The following DPP10 variants were observed in gnomAD, a reference collection of about 807,000 sequenced individuals.
DPP10 encodes the protein inactive dipeptidyl peptidase 10.
In DPP10, 33 loss-of-function variants were observed where a neutral mutation model predicts 120.9. The observed-to-expected ratio is 0.27, with a 90% CI of 0.21 to 0.37. DPP10 has a LOEUF of 0.37. DPP10 is among the 10% of genes least tolerant of loss of function. The pLI, the probability that DPP10 is intolerant of heterozygous loss-of-function variation, is 1.00. For missense variants in DPP10, 816 were observed against 942.8 expected (o/e 0.87, Z 1.76); for synonymous variants, 337 against 326.1 (o/e 1.03, Z -0.36).
intron 1 of DPP10, among the ~76,000 whole-genome samples, chr2:114,995,614 T>C (rs1197075768): frequency 6.6e-6 from 1 of 152,186 alleles, no homozygotes; most frequent in African/African-American, 2.4e-5. Context: ...AAAAATTATA[T>C]ATTTTTTCTC....
At chr2:114,474,480 G>C (rs752459201) in intron 1 of DPP10, among the ~76,000 whole-genome samples, 26 of 152,132 alleles carry the variant, frequency 1.7e-4, no homozygotes, top group Admixed American at 8.5e-4. Flanking sequence ...GGGGAACAAG[G>C]ATATGTTGGT....
At chr2:115,496,601 T>G (rs1575018983) in intron 3 of DPP10, among the ~76,000 whole-genome samples, 1 of 152,188 alleles carries the variant, frequency 6.6e-6, no homozygotes, top group Non-Finnish European at 1.5e-5. Context: ...CGCATTTCTT[T>G]TTCTCTTCTC....
chr2:115,009,184 G>A (rs1405987794), intron 1 of DPP10, among the ~76,000 whole-genome samples: 3 of 146,302 alleles, frequency 2.1e-5, no homozygotes, highest in Non-Finnish European at 4.5e-5. Context: ...CAACCCAAAT[G>A]TCCAACAATG....
chr2:115,443,330 G>T (rs144406281), intron 3 of DPP10, among the ~76,000 whole-genome samples: 1 of 152,276 alleles, frequency 6.6e-6, no homozygotes, highest in Middle Eastern at 3.4e-3. Context: ...TAATTAGCAA[G>T]TATTTTGTCA....
chr2:115,611,931 C>T (rs145431319), intron 5 of DPP10, among the ~76,000 whole-genome samples: 9 of 152,166 alleles, frequency 5.9e-5, no homozygotes, highest in African/African-American at 2.2e-4. Flanking sequence ...AGGTGAGAAA[C>T]AAATCTAGAA....
intron 3 of DPP10, among the ~76,000 whole-genome samples, chr2:115,427,967 A>G (rs559394590): frequency 6.6e-6 from 1 of 152,326 alleles, no homozygotes; most frequent in Non-Finnish European, 1.5e-5. Flanking sequence ...CTGCTTAGAA[A>G]TTTCTTCTGC....
In DPP10 at chr2:115,250,331, C is replaced by T. The variant is rs140556191; in HGVS notation, c.61-58908C>T. 9.1e-4 allele frequency among the ~76,000 whole-genome samples: 138 copies of T among 152,266 alleles called. 2 individuals are homozygous for T. In the East Asian group the frequency reaches 0.02, roughly 22 times the overall value. The stretch of plus-strand genomic sequence containing the variant: ...TGAGGAAGCTTCTCTCCCATAATTC[C>T]GAACTGAAATACAAATGCTGCCTTT... On this transcript the variant is annotated intron_variant, in intron 1 of 25. Transcript: ENST00000410059.
At chr2:115,565,406 ATTGT>A (rs1366614162) in intron 5 of DPP10, among the ~76,000 whole-genome samples, 1 of 152,170 alleles carries the variant, frequency 6.6e-6, no homozygotes, top group Non-Finnish European at 1.5e-5. Flanking sequence ...AAGTACTTTT[ATTGT>A]TTATTTATCA....
At chr2:114,597,770 A>G (rs781728477) in intron 1 of DPP10, among the ~76,000 whole-genome samples, 3 of 151,858 alleles carry the variant, frequency 2.0e-5, no homozygotes, top group Non-Finnish European at 4.4e-5. Flanking sequence ...TTTGAAATTC[A>G]TGGCACTTAT....
intron 1 of DPP10, among the ~76,000 whole-genome samples, chr2:114,682,329 A>G (rs922212727): frequency 6.6e-6 from 1 of 152,000 alleles, no homozygotes; most frequent in South Asian, 2.1e-4. Context: ...CAAGGATTCA[A>G]GTTCCAGCTG....
At chr2:115,779,646 C>T (rs551858333) in intron 15 of DPP10, among the ~76,000 whole-genome samples, 74 of 151,928 alleles carry the variant, frequency 4.9e-4, no homozygotes, top group African/African-American at 7.7e-4. Context: ...TAGCTGTATG[C>T]AACTGGGATA....
intron 1 of DPP10, among the ~76,000 whole-genome samples, chr2:114,748,371 TTTATTTATTTATTTA>T (rs1678830861): frequency 3.1e-5 from 4 of 127,000 alleles, no homozygotes; most frequent in African/African-American, 1.2e-4. Flanking sequence ...ATTTTATTTA[TTTATTTATTTATTTA>T]TTTATTTATT....
At chr2:115,822,310 A>G (rs1476170734) in intron 21 of DPP10, among the ~76,000 whole-genome samples, 1 of 151,980 alleles carries the variant, frequency 6.6e-6, no homozygotes, top group African/African-American at 2.4e-5. Flanking sequence ...GATATAATTG[A>G]CATACCATGA....
chr2:114,874,974 C>G (rs1351967276), intron 1 of DPP10, among the ~76,000 whole-genome samples: 1 of 152,042 alleles, frequency 6.6e-6, no homozygotes, highest in African/African-American at 2.4e-5. Context: ...TTCAACAGTT[C>G]CCAATGTTAC....
intron 5 of DPP10, among the ~76,000 whole-genome samples, chr2:115,623,591 C>G (rs2085138095): frequency 6.6e-6 from 1 of 152,094 alleles, no homozygotes; most frequent in South Asian, 2.1e-4. Flanking sequence ...CCTGCTTTAA[C>G]AGAGCTTACA....
At chr2:114,651,977 T>A (rs1308377960) in intron 1 of DPP10, among the ~76,000 whole-genome samples, 2 of 152,160 alleles carry the variant, frequency 1.3e-5, no homozygotes, top group Non-Finnish European at 2.9e-5. Context: ...ATGCTGCTGG[T>A]CTAACAAGCT....
At chr2:114,595,686 C>T (rs1691848131) in intron 1 of DPP10, among the ~76,000 whole-genome samples, 1 of 152,100 alleles carries the variant, frequency 6.6e-6, no homozygotes, top group African/African-American at 2.4e-5. Flanking sequence ...CAAACAGTCA[C>T]AGATGACATG....
chr2:114,494,449 G>C (rs770489551), intron 1 of DPP10, among the ~76,000 whole-genome samples: 1 of 152,158 alleles, frequency 6.6e-6, no homozygotes, highest in Non-Finnish European at 1.5e-5. Flanking sequence ...GATATTTCAG[G>C]CCAGGGAAGC....
intron 1 of DPP10, among the ~76,000 whole-genome samples, chr2:114,946,338 GT>G (rs1207070445): frequency 1.6e-4 from 24 of 152,008 alleles, no homozygotes; most frequent in Admixed American, 1.6e-3. Context: ...TCTTTAAAAA[GT>G]TTTTTTAAAG....
Sources: allele counts gnomAD v4.1 joint callset (sites outside exome capture counted in the v4.1 genomes callset), GRCh38; gene constraint gnomAD v4.1.1; transcripts MANE v1.5; gene names NCBI Gene and HGNC (gene_info 2026-07-23, HGNC 2026-07-21).